UNC13C: variants seen among roughly 807,000 people sequenced by gnomAD.
The protein encoded by UNC13C is protein unc-13 homolog C.
A neutral mutation model predicts 245.4 loss-of-function variants in UNC13C; 174 were observed. That is an observed-to-expected ratio of 0.71 (90% CI 0.63 to 0.80). UNC13C has a LOEUF of 0.80. UNC13C is among the 30% of genes least tolerant of loss of function. The pLI is 0.00. For synonymous variants in UNC13C, 992 were observed against 895.1 expected (o/e 1.11, Z -1.93); for missense variants, 2,829 against 2,602.9 (o/e 1.09, Z -1.89).
At position 54,475,253 on chromosome 15, in the gene UNC13C, T is replaced by C. The variant is rs955862659; in HGVS notation, c.4934-19355T>C. ...TTAATATATTTTGAGTTTATTTTTG[T>C]GTATAGTGAGAGGGGTATGGTTTTT... On this transcript the variant is annotated intron_variant, in intron 19 of 32. Transcript: ENST00000260323. Among the ~76,000 whole-genome samples the C allele has an allele frequency of 7.3e-5, 11 of 151,170 alleles. 1 individual carries two copies. The South Asian group carries it at 1.9e-3, about 26-fold the overall frequency.
At chr15:54,516,417 C>T (rs2141124071) in intron 24 of UNC13C, among the ~76,000 whole-genome samples, 1 of 152,240 alleles carries the variant, frequency 6.6e-6, no homozygotes, top group South Asian at 2.1e-4. Flanking sequence ...TGGGGCAGGG[C>T]CAGGTGATTT....
intron 16 of UNC13C, among the ~76,000 whole-genome samples, chr15:54,337,925 C>A (rs972955674): frequency 3.9e-5 from 6 of 152,168 alleles, no homozygotes; most frequent in African/African-American, 1.2e-4. Flanking sequence ...CGCTTCCCAT[C>A]CTTCCTCTGT....
chr15:53,969,210 A>G, the UNC13C span, among the ~76,000 whole-genome samples: 2 of 152,272 alleles, frequency 1.3e-5, no homozygotes, highest in Non-Finnish European at 2.9e-5. Context: ...CTGACTATTG[A>G]AAATATGTCT....
At chr15:54,470,037 C>A (rs1266048015) in intron 19 of UNC13C, among the ~76,000 whole-genome samples, 1 of 151,472 alleles carries the variant, frequency 6.6e-6, no homozygotes, top group Non-Finnish European at 1.5e-5. Context: ...TTTGTTCATT[C>A]TTTAATATAA....
At chr15:54,369,204 A>G (rs1323708265) in intron 17 of UNC13C, among the ~76,000 whole-genome samples, 1 of 151,666 alleles carries the variant, frequency 6.6e-6, no homozygotes, top group Admixed American at 6.6e-5. Flanking sequence ...CCCCCCCAAA[A>G]AAAAAAGTTG....
intron 30 of UNC13C, among the ~76,000 whole-genome samples, chr15:54,618,785 A>G (rs1313003280): frequency 6.6e-6 from 1 of 152,178 alleles, no homozygotes; most frequent in Non-Finnish European, 1.5e-5. Context: ...CAACGGAAGT[A>G]TATGTATAGT....
chr15:54,179,861 T>C (rs1276913882), intron 4 of UNC13C, among the ~76,000 whole-genome samples: 1 of 151,954 alleles, frequency 6.6e-6, no homozygotes, highest in African/African-American at 2.4e-5. Flanking sequence ...AATTATTAAA[T>C]ATCAAAGAAA....
chr15:53,951,940 T>G, the UNC13C span, among the ~76,000 whole-genome samples: 1 of 152,174 alleles, frequency 6.6e-6, no homozygotes, highest in Admixed American at 6.6e-5. Context: ...TTTTCAAGTG[T>G]ATTTATCCCT....
the UNC13C span, among the ~76,000 whole-genome samples, chr15:53,938,222 T>A: frequency 6.6e-6 from 1 of 151,850 alleles, no homozygotes; most frequent in Non-Finnish European, 1.5e-5. Context: ...AAGAGTCACA[T>A]TCCTAGTTTC....
At chr15:54,498,178 C>T (rs1290925427) in intron 20 of UNC13C, among the ~76,000 whole-genome samples, 2 of 151,964 alleles carry the variant, frequency 1.3e-5, no homozygotes, top group African/African-American at 4.8e-5. Flanking sequence ...TTTTCATTGA[C>T]AATGCTTACA....
At chr15:53,999,184 A>T (rs1372768129) in intron 1 of UNC13C, among the ~76,000 whole-genome samples, 1 of 151,802 alleles carries the variant, frequency 6.6e-6, no homozygotes, top group Non-Finnish European at 1.5e-5. Flanking sequence ...TTTTTCCTTA[A>T]AGGTTTCTAG....
At chr15:54,602,667 G>A (rs1036723059) in intron 30 of UNC13C, among the ~76,000 whole-genome samples, 39 of 152,176 alleles carry the variant, frequency 2.6e-4, no homozygotes, top group African/African-American at 9.2e-4. Flanking sequence ...ACAAGTGTAA[G>A]GACCACAAAA....
chr15:54,026,542 A>T (rs527963101), intron 2 of UNC13C, among the ~76,000 whole-genome samples: 42 of 152,360 alleles, frequency 2.8e-4, no homozygotes, highest in African/African-American at 9.6e-4. Context: ...GGAGTCATTT[A>T]TTAAAGACAT....
chr15:54,400,353 A>C (rs1452421829), intron 18 of UNC13C, among the ~76,000 whole-genome samples: 1 of 152,040 alleles, frequency 6.6e-6, no homozygotes, highest in African/African-American at 2.4e-5. Flanking sequence ...CTTTCATACT[A>C]GTTAAGTCCC....
chr15:54,124,386 A>G (rs965949714), intron 2 of UNC13C, among the ~76,000 whole-genome samples: 3 of 152,212 alleles, frequency 2.0e-5, no homozygotes, highest in Admixed American at 6.5e-5. Context: ...CATTTTCTAA[A>G]TAGCTACTAA....
intron 8 of UNC13C, among the ~76,000 whole-genome samples, chr15:54,252,643 A>G (rs186264931): frequency 6.6e-6 from 1 of 152,290 alleles, no homozygotes; most frequent in East Asian, 1.9e-4. Flanking sequence ...GATCTTCTTC[A>G]TTGTTTTAAG....
rs535095760 is a variant in UNC13C, at chr15:54,598,444, TA to T, written c.6107-23877del. Among the ~76,000 whole-genome samples, 10 of 152,256 alleles carry T rather than the reference TA, an allele frequency of 6.6e-5. No individual in the cohort carries two copies. The South Asian group carries it at 2.1e-3, about 32-fold the overall frequency. On this transcript the variant is annotated intron_variant, in intron 30 of 32. Transcript: ENST00000260323. Reference sequence around the variant, plus strand: ...AATTCCATGACACTGCTTTGGGATTTAAAAAATTGAGTGAAAACCTGTCCAT... The same window carrying T: ...AATTCCATGACACTGCTTTGGGATTTAAAAATTGAGTGAAAACCTGTCCAT...
intron 7 of UNC13C, among the ~76,000 whole-genome samples, chr15:54,245,503 C>CA (rs368440821): frequency 3.9e-5 from 6 of 152,112 alleles, no homozygotes; most frequent in South Asian, 2.1e-4. Flanking sequence ...CTTTCTGCTA[C>CA]AAAAAAATCA....
intron 1 of UNC13C, among the ~76,000 whole-genome samples, chr15:53,985,504 C>A (rs1224671249): frequency 1.3e-5 from 2 of 151,728 alleles, no homozygotes; most frequent in Admixed American, 1.3e-4. Context: ...AACTGTCTAC[C>A]ACCTGCTCCT....
Sources: gnomAD v4.1 joint callset for allele counts (sites outside exome capture counted in the v4.1 genomes callset) on GRCh38, gnomAD v4.1.1 for gene constraint, MANE v1.5 for transcripts, NCBI Gene and HGNC (gene_info 2026-07-23, HGNC 2026-07-21) for gene names.